Variants in HSD17B11 observed in about 807,000 individuals in gnomAD.
HSD17B11 encodes hydroxysteroid 17-beta dehydrogenase 11.
HSD17B11 carries 22 observed loss-of-function variants against 27.8 expected under a neutral mutation model. The ratio of observed to expected loss-of-function variants is 0.79; its 90% CI spans 0.56 to 1.13. The LOEUF is 1.13. HSD17B11 is among the 50% of genes most tolerant of loss of function. The probability of loss-of-function intolerance (pLI) is 0.00; values close to 1 mark genes in which losing one functional copy is unlikely to be tolerated. For synonymous variants in HSD17B11, 117 were observed against 132.8 expected (o/e 0.88, Z 0.82); for missense variants, 314 against 351.1 (o/e 0.89, Z 0.84).
chr4:87,384,867 C>A (rs191903611), intron 1 of HSD17B11, among the ~76,000 whole-genome samples: 2 of 152,120 alleles, frequency 1.3e-5, no homozygotes, highest in African/African-American at 2.4e-5. Flanking sequence ...TGTTCTTACA[C>A]CCCCACCCCT....
chr4:87,354,165 T>G (rs1003800393), intron 5 of HSD17B11, among the ~76,000 whole-genome samples: 33 of 152,202 alleles, frequency 2.2e-4, no homozygotes, highest in Non-Finnish European at 1.5e-5. Flanking sequence ...CAAATTTCTG[T>G]CTAACGTTGG....
chr4:87,355,915 AAAAC>A (rs201062396), intron 5 of HSD17B11, among the ~76,000 whole-genome samples: 1,930 of 152,276 alleles, frequency 0.013, 43 homozygotes, highest in African/African-American at 0.045. Flanking sequence ...AAAAAAACAA[AAAAC>A]AAACAAAGAA....
chr4:87,359,157 A>T (rs1735457038), intron 4 of HSD17B11, among the ~76,000 whole-genome samples: 1 of 152,152 alleles, frequency 6.6e-6, no homozygotes, highest in Non-Finnish European at 1.5e-5. Context: ...CTGTGAGTCA[A>T]TTGAACCTCT....
rs909177130 is a variant in HSD17B11, at chr4:87,391,171, C to T, written c.-101G>A. ...GATCTAACACCAGAAAGAGTAGGGG[C>T]GAGAGCAAGGAGGAACTCCCGTATC... On this transcript the variant is annotated 5_prime_UTR_variant, in exon 1 of 7. Transcript: ENST00000358290. 21 of 831,062 alleles carry T rather than the reference C, an allele frequency of 2.5e-5. No individual in the cohort carries two copies. The African/African-American group carries it at 2.8e-4, about 11-fold the overall frequency. The allele number at this position is 831,062 out of a possible 1,614,324, so 51.5% of individuals were successfully genotyped here. A position where few individuals can be genotyped will look rare whatever the true frequency, so the allele number is the denominator to read the frequency against.
chr4:87,389,393 T>C (rs1048667901), intron 1 of HSD17B11, among the ~76,000 whole-genome samples: 2 of 152,116 alleles, frequency 1.3e-5, no homozygotes, highest in Non-Finnish European at 2.9e-5. Context: ...CAACTAATTT[T>C]TTGTATTTTT....
intron 4 of HSD17B11, among the ~76,000 whole-genome samples, chr4:87,372,334 TTTA>T (rs1735733395): frequency 6.6e-6 from 1 of 151,788 alleles, no homozygotes; most frequent in Admixed American, 6.6e-5. Context: ...TTTACCCATT[TTTA>T]TTAATATTAA....
At chr4:87,379,410 T>G (rs76403170) in intron 2 of HSD17B11, among the ~76,000 whole-genome samples, 5,834 of 149,550 alleles carry the variant, frequency 0.039, 411 homozygotes, top group African/African-American at 0.14. Context: ...ACTACCTTAA[T>G]GTCAACAAGG....
intron 4 of HSD17B11, among the ~76,000 whole-genome samples, chr4:87,371,964 T>C (rs1735724638): frequency 6.6e-6 from 1 of 151,988 alleles, no homozygotes; most frequent in Non-Finnish European, 1.5e-5. Context: ...ACTTCTCGGC[T>C]GGGCGAGGTG....
In HSD17B11 at chr4:87,373,747, A is replaced by G. The variant is rs547298551; in HGVS notation, c.451-932T>C. 2.6e-4 allele frequency among the ~76,000 whole-genome samples: 39 copies of G among 152,220 alleles called. No individual in the cohort carries two copies. In the South Asian group the frequency reaches 8.1e-3, roughly 32 times the overall value. On this transcript the variant is annotated intron_variant, in intron 3 of 6. Coordinates refer to ENST00000358290, the MANE Select transcript of HSD17B11 (RefSeq NM_016245.5). ...AAAAGAGACAGTAACCTATATTTGA[A>G]CAAACACAAAACATAAAGATATATG...
rs1489400006 is a variant in HSD17B11 at position 87,390,867 on chromosome 4, T to C, written c.204A>G (p.Ile68Met). Residue 68 changes from isoleucine to methionine, a missense_variant, in exon 1 of 7, where the codon ATA becomes ATG. Physicochemically the swap from Ile to Met is conservative, Grantham distance 10 (BLOSUM62 1). Coordinates refer to ENST00000358290, the MANE Select transcript of HSD17B11 (RefSeq NM_016245.5). ...KLKSKLVLWD[I>M]NKHGLEETAA... ...ACATAGTAAACACTGTTACCTTATT[T>C]ATATCCCAGAGAACCAGCTTGCTTT... The C allele has an allele frequency of 6.2e-7, 1 of 1,613,668 alleles. No homozygotes were observed. Among genetic ancestry groups the C allele is most frequent in the South Asian group, 1.1e-5 (1 of 91,078 alleles).
intron 4 of HSD17B11, among the ~76,000 whole-genome samples, chr4:87,360,366 T>G (rs1307089108): frequency 6.6e-6 from 1 of 152,228 alleles, no homozygotes; most frequent in Non-Finnish European, 1.5e-5. Flanking sequence ...TCAGATCCGG[T>G]GTTTATCCCA....
Position 87,385,198 on chromosome 4 carries a change from C to T in HSD17B11, c.211-2836G>A, listed in dbSNP as rs145001065. Among the ~76,000 whole-genome samples, 498 of 152,258 alleles carry T rather than the reference C, an allele frequency of 3.3e-3. 3 individuals are homozygous for T. The highest frequency in any genetic ancestry group is 0.011 in the African/African-American group (461 of 41,540). On this transcript the variant is annotated intron_variant, in intron 1 of 6. Transcript: ENST00000358290. ...ACTTAACCAGCAGCTTTTGGCATTT[C>T]CTTTTACAAGTATATTAATGTTGTA...
At position 87,378,863 on chromosome 4, in the gene HSD17B11, T is replaced by C. The variant is rs1456229317; in HGVS notation, c.318+3392A>G. On this transcript the variant is annotated intron_variant, in intron 2 of 6. Coordinates refer to ENST00000358290, the MANE Select transcript of HSD17B11 (RefSeq NM_016245.5). The stretch of plus-strand genomic sequence containing the variant: ...ATATATAAATATATATATAAATATA[T>C]ATAAATATATATATATAAATATATA... Among the ~76,000 whole-genome samples, 70 of 24,384 alleles carry C rather than the reference T, an allele frequency of 2.9e-3. 3 individuals carry two copies. Among genetic ancestry groups the C allele is most frequent in the African/African-American group, 7.5e-3 (22 of 2,924 alleles). 16.0% of individuals were successfully genotyped at this position (24,384 alleles called of 152,430 possible).
At chr4:87,370,743 A>ATTTTTTT in intron 4 of HSD17B11, among the ~76,000 whole-genome samples, 1 of 6,268 alleles carries the variant, frequency 1.6e-4, no homozygotes, top group South Asian at 3.4e-3. Context: ...TATTATTATT[A>ATTTTTTT]TTATTATTAT....
chr4:87,356,511 C>T (rs538890537), intron 5 of HSD17B11, among the ~76,000 whole-genome samples: 71 of 151,972 alleles, frequency 4.7e-4, no homozygotes, highest in Non-Finnish European at 9.1e-4. Flanking sequence ...GTGTAACATA[C>T]GCCAGTTATA....
chr4:87,365,740 T>A (rs1735602454), intron 4 of HSD17B11, among the ~76,000 whole-genome samples: 1 of 84,064 alleles, frequency 1.2e-5, no homozygotes, highest in Non-Finnish European at 2.5e-5. Flanking sequence ...AGGTGAAATG[T>A]GTTTTTGGTT....
At chr4:87,376,065 G>T (rs1241720730) in intron 2 of HSD17B11, among the ~76,000 whole-genome samples, 1 of 152,152 alleles carries the variant, frequency 6.6e-6, no homozygotes, top group East Asian at 1.9e-4. Context: ...AATAATGCAT[G>T]TAAAGGAGCT....
rs1228198199 is a variant in HSD17B11, at chr4:87,378,886, A to T, written c.318+3369T>A. On this transcript the variant is annotated intron_variant, in intron 2 of 6. Coordinates refer to ENST00000358290, the MANE Select transcript of HSD17B11 (RefSeq NM_016245.5). ...TATATAAATATATATATATAAATAT[A>T]TATATATAAATATATATAAATATAT... Among the ~76,000 whole-genome samples the T allele has an allele frequency of 9.2e-4, 7 of 7,606 alleles. 2 individuals carry two copies. Among genetic ancestry groups the T allele is most frequent in the Non-Finnish European group, 1.4e-3 (7 of 4,880 alleles). 5.0% of individuals were successfully genotyped at this position (7,606 alleles called of 152,430 possible).
intron 5 of HSD17B11, 133 bp from the exon 6 acceptor site, chr4:87,340,739 G>GTACC (rs1462781034): frequency 1.8e-6 from 1 of 555,428 alleles, no homozygotes; most frequent in East Asian, 2.8e-5. Context: ...CCTAGTATAG[G>GTACC]TGCTCAGAAA....
Sources: gnomAD v4.1 joint callset for allele counts (sites outside exome capture counted in the v4.1 genomes callset) on GRCh38, gnomAD v4.1.1 for gene constraint, MANE v1.5 for transcripts, NCBI Gene and HGNC (gene_info 2026-07-23, HGNC 2026-07-21) for gene names.